Variants in SIK2 observed in about 807,000 individuals in gnomAD.
The protein encoded by SIK2 is salt inducible kinase 2, also known as serine/threonine-protein kinase SIK2.
Under a neutral mutation model 103.2 loss-of-function variants are expected in SIK2, and 29 were observed. The observed-to-expected ratio is 0.28, with a 90% CI of 0.21 to 0.38. SIK2 has a LOEUF of 0.38. Among genes scored for constraint, SIK2 ranks in the 10% least tolerant of loss-of-function variants. The pLI is 1.00. For synonymous variants in SIK2, 412 were observed against 446.1 expected, an observed-to-expected ratio of 0.92 and a Z score of 0.96; for missense variants, 879 against 1,171.0, an observed-to-expected ratio of 0.75 and a Z score of 3.64.
At position 111,722,722 on chromosome 11, in the gene SIK2, C is replaced by T. The variant is rs1010110839; in HGVS notation, c.2113C>T (p.Pro705Ser). ...CTGTCAGCTTTATTGCAAAGAACCACCGCGGAGCCTTGAGCAGCAGCTGCA... is the reference window on the plus strand; with the variant it reads ...CTGTCAGCTTTATTGCAAAGAACCATCGCGGAGCCTTGAGCAGCAGCTGCA... ...NTCQLYCKEP[P>S]RSLEQQLQEH... Residue 705 changes from proline to serine, a missense_variant, in exon 14 of 15, where the codon CCG becomes TCG. By Grantham distance (74) the Pro-to-Ser change is moderately conservative. This residue lies in a region of SIK2 where 375 missense variants were observed against 416.3 expected (regional missense o/e 0.90). Transcript: ENST00000304987. This position sits in a 1 kb window ranked among gnomAD's most constrained non-coding sequence, Gnocchi z 4.4. 1 of 1,614,160 alleles carries T rather than the reference C, an allele frequency of 6.2e-7. No homozygotes were observed. Among genetic ancestry groups the T allele is most frequent in the South Asian group, 1.1e-5 (1 of 91,080 alleles).
chr11:111,679,223 T>A (rs1002620071), intron 3 of SIK2, among the ~76,000 whole-genome samples: 2 of 152,204 alleles, frequency 1.3e-5, no homozygotes, highest in African/African-American at 4.8e-5. Flanking sequence ...TTGACTATAT[T>A]TGCCTTTAAT....
rs1177360351 is a variant in SIK2, at chr11:111,720,593, C to T, written c.1611C>T (p.Asp537=). The change falls in exon 11 of 15, where the codon GAC becomes GAT. Residue 537 remains aspartate, a synonymous_variant. Coordinates refer to ENST00000304987, the MANE Select transcript of SIK2 (RefSeq NM_015191.3). The part of the protein sequence containing the change: ...NFLEDNPSLK[D]IMLANQPSPR... ...TGGAAGACAACCCTTCCCTTAAGGA[C>T]ATCATGTTAGCCAATCAGCCTTCAC... 5.6e-6 allele frequency: 9 copies of T among 1,613,988 alleles called. No homozygotes were observed. Among genetic ancestry groups the T allele is most frequent in the Non-Finnish European group, 6.8e-6 (8 of 1,180,026 alleles).
At chr11:111,663,455 G>A (rs957856961) in intron 3 of SIK2, among the ~76,000 whole-genome samples, 2 of 152,168 alleles carry the variant, frequency 1.3e-5, no homozygotes, top group African/African-American at 4.8e-5. Context: ...GAGGCGTGGT[G>A]AGGCATGGGA....
chr11:111,657,790 A>G (rs1400999319), intron 3 of SIK2, among the ~76,000 whole-genome samples: 1 of 152,196 alleles, frequency 6.6e-6, no homozygotes, highest in African/African-American at 2.4e-5. Flanking sequence ...TGAGCTCCAG[A>G]GTACAGAAAG....
chr11:111,637,702 T>G (rs1290199132), intron 3 of SIK2, among the ~76,000 whole-genome samples: 2 of 152,056 alleles, frequency 1.3e-5, no homozygotes, highest in African/African-American at 2.4e-5. Flanking sequence ...TCTCAAGCAA[T>G]CCACTCACCT....
intron 8 of SIK2, among the ~76,000 whole-genome samples, chr11:111,710,861 A>T (rs879755353): frequency 1.3e-5 from 2 of 152,100 alleles, no homozygotes; most frequent in Admixed American, 1.3e-4. Flanking sequence ...TGTCCCTTTG[A>T]TTTGTTTGAG....
intron 1 of SIK2, among the ~76,000 whole-genome samples, chr11:111,616,014 A>G (rs567859): frequency 0.59 from 90,468 of 152,074 alleles, 30,068 homozygotes; most frequent in East Asian, 0.96. Flanking sequence ...ACATGTTTTC[A>G]AATTATTCTT....
In SIK2 at chr11:111,687,054, A is replaced by C. The variant is rs748755314; in HGVS notation, c.317-947A>C. Among the ~76,000 whole-genome samples, 29 of 152,192 alleles carry C rather than the reference A, an allele frequency of 1.9e-4. 1 individual carries two copies. The highest frequency in any genetic ancestry group is 2.0e-4 in the Admixed American group (3 of 15,276). On this transcript the variant is annotated intron_variant, in intron 3 of 14. Transcript: ENST00000304987. ...AATTCATTTATTTCCTCTGTTTTAC[A>C]TAAATTTTATTTTTTTAAAGTGTGA... is the stretch of plus-strand genomic sequence containing the variant.
At chr11:111,629,099 G>C (rs1036149857) in intron 3 of SIK2, among the ~76,000 whole-genome samples, 6 of 152,126 alleles carry the variant, frequency 3.9e-5, no homozygotes, top group African/African-American at 1.4e-4. Flanking sequence ...GATGTGAGAG[G>C]CTGAATGTTT....
Position 111,615,156 on chromosome 11 carries a change from A to G in SIK2, c.136-1087A>G, listed in dbSNP as rs147839883. On this transcript the variant is annotated intron_variant, in intron 1 of 14. Coordinates refer to ENST00000304987, the MANE Select transcript of SIK2 (RefSeq NM_015191.3). ...TCTGTATCAAATAAATAAATAAATA[A>G]AAGTTTTCCTGAGGCCAGGCATGGT... Among the ~76,000 whole-genome samples the G allele has an allele frequency of 4.2e-4, 63 of 151,600 alleles. 1 individual carries two copies. Among genetic ancestry groups the G allele is most frequent in the African/African-American group, 1.4e-3 (57 of 41,250 alleles).
intron 3 of SIK2, among the ~76,000 whole-genome samples, chr11:111,665,922 G>T (rs921973158): frequency 6.6e-6 from 1 of 152,012 alleles, no homozygotes; most frequent in African/African-American, 2.4e-5. Context: ...CATGGACTTT[G>T]GTTCTCCATG....
chr11:111,689,899 A>ATTTT (rs372740657), intron 4 of SIK2, among the ~76,000 whole-genome samples: 3 of 148,284 alleles, frequency 2.0e-5, no homozygotes, highest in Non-Finnish European at 4.5e-5. Context: ...ATAGTCTGTG[A>ATTTT]TTTTTTTTTT....
At chr11:111,665,516 G>GA (rs1033327902) in intron 3 of SIK2, among the ~76,000 whole-genome samples, 12 of 150,168 alleles carry the variant, frequency 8.0e-5, no homozygotes, top group Admixed American at 1.3e-4. Flanking sequence ...CTCAAAAAAA[G>GA]AAAAAAAAAG....
At chr11:111,652,339 A>G (rs1467081740) in intron 3 of SIK2, among the ~76,000 whole-genome samples, 3 of 152,158 alleles carry the variant, frequency 2.0e-5, no homozygotes. Flanking sequence ...TGGGACATTC[A>G]TATGTGAGGA....
chr11:111,616,534 CT>C (rs1389727072), intron 2 of SIK2, among the ~76,000 whole-genome samples, 175 bp downstream of exon 2: 7 of 152,118 alleles, frequency 4.6e-5, no homozygotes, highest in African/African-American at 1.2e-4. Context: ...AATCAGAAAT[CT>C]TAAGTCATCT....
chr11:111,670,365 C>T (rs1334024211), intron 3 of SIK2, among the ~76,000 whole-genome samples: 5 of 152,318 alleles, frequency 3.3e-5, no homozygotes, highest in Admixed American at 1.3e-4. Flanking sequence ...CTTCGTGAAA[C>T]GTAAAGCCAG....
In SIK2 at chr11:111,726,037, ACAT is replaced by A. The variant is rs1236801893; in HGVS notation, c.*1912_*1914del. On this transcript the variant is annotated 3_prime_UTR_variant, in exon 15 of 15. Coordinates refer to ENST00000304987, the MANE Select transcript of SIK2 (RefSeq NM_015191.3). ...GATTGATGATTTCGTGAAATAAAGA[ACAT>A]CATTTCATTTAAGAGATCATTTCAT... 1 of 152,254 alleles carries A rather than the reference ACAT, an allele frequency of 6.6e-6. No individual in the cohort carries two copies. The highest frequency in any genetic ancestry group is 1.5e-5 in the Non-Finnish European group (1 of 68,044). 9.4% of individuals were successfully genotyped at this position (152,254 alleles called of 1,614,324 possible). A position where few individuals can be genotyped will look rare whatever the true frequency, so the allele number is the denominator to read the frequency against.
At chr11:111,653,371 T>A (rs991624717) in intron 3 of SIK2, among the ~76,000 whole-genome samples, 1 of 152,252 alleles carries the variant, frequency 6.6e-6, no homozygotes, top group African/African-American at 2.4e-5. Context: ...AACAACGTTG[T>A]ATCCTTTCTC....
intron 3 of SIK2, chr11:111,683,065 C>T (rs1357377371): frequency 6.6e-6 from 1 of 152,062 alleles, no homozygotes; most frequent in Admixed American, 6.5e-5. Context: ...ACATAGGAAA[C>T]AAGAATTTTC....
Sources: gnomAD v4.1 joint callset for allele counts (sites outside exome capture counted in the v4.1 genomes callset) on GRCh38, gnomAD v4.1.1 for gene constraint, gnomAD v4.1.1 regional missense constraint, Gnocchi (gnomAD v3.1) non-coding constraint, MANE v1.5 for transcripts, NCBI Gene and HGNC (gene_info 2026-07-23, HGNC 2026-07-21) for gene names.